GNG7: variants seen among roughly 807,000 people sequenced by gnomAD.
The protein encoded by GNG7 is guanine nucleotide-binding protein G(I)/G(S)/G(O) subunit gamma-7.
Under a neutral mutation model 4.0 loss-of-function variants are expected in GNG7, and 1 was observed. That is an observed-to-expected ratio of 0.25 (90% CI 0.09 to 1.18). GNG7 has a LOEUF of 1.18. Ranked by LOEUF, GNG7 falls within the 50% of genes most tolerant of loss-of-function variation. The probability of loss-of-function intolerance (pLI) is 0.50; values close to 1 mark genes in which losing one functional copy is unlikely to be tolerated. For synonymous variants in GNG7, 34 were observed against 36.9 expected, an observed-to-expected ratio of 0.92 and a Z score of 0.29; for missense variants, 86 against 91.9, an observed-to-expected ratio of 0.94 and a Z score of 0.26.
intron 2 of GNG7, among the ~76,000 whole-genome samples, chr19:2,621,452 C>T (rs1429746336): frequency 1.3e-5 from 2 of 151,888 alleles, no homozygotes; most frequent in Admixed American, 1.3e-4. Flanking sequence ...AATCCCAGCA[C>T]TTTGGGAGGC....
chr19:2,572,311 G>A (rs1980172415), intron 2 of GNG7, among the ~76,000 whole-genome samples: 1 of 152,132 alleles, frequency 6.6e-6, no homozygotes. Flanking sequence ...ATGCCACCAT[G>A]CTTGCTTAAT....
In GNG7 at chr19:2,512,899, G is replaced by A; in HGVS notation, c.*2123C>T. 1.0e-6 allele frequency: 1 copy of A among 985,186 alleles called. No individual in the cohort carries two copies. The highest frequency in any genetic ancestry group is 1.2e-6 in the Non-Finnish European group (1 of 829,696). 61.0% of individuals were successfully genotyped at this position (985,186 alleles called of 1,614,324 possible). A position where few individuals can be genotyped will look rare whatever the true frequency, so the allele number is the denominator to read the frequency against. On this transcript the variant is annotated 3_prime_UTR_variant, in exon 5 of 5. Transcript: ENST00000382159. The surrounding 1 kb of genome is among the most constrained non-coding windows in gnomAD (Gnocchi z 4.7). ...TCCTGCCATTCCTGCTATGCGTGGT[G>A]GGGACGCCCACACCCCAAACCCTGC... is the stretch of plus-strand genomic sequence containing the variant.
chr19:2,568,317 A>G (rs944550108), intron 2 of GNG7, among the ~76,000 whole-genome samples: 3 of 151,810 alleles, frequency 2.0e-5, no homozygotes, highest in African/African-American at 4.9e-5. Context: ...ATACACACGC[A>G]CACACACATA....
chr19:2,561,407 C>G (rs1043701485), intron 2 of GNG7, among the ~76,000 whole-genome samples: 1 of 152,096 alleles, frequency 6.6e-6, no homozygotes, highest in Non-Finnish European at 1.5e-5. Flanking sequence ...TGGGGAGACC[C>G]TGGTTAGGTC....
At chr19:2,608,481 G>C (rs562099762) in intron 2 of GNG7, among the ~76,000 whole-genome samples, 1 of 152,310 alleles carries the variant, frequency 6.6e-6, no homozygotes, top group African/African-American at 2.4e-5. Context: ...AATGACGCAG[G>C]TCAGTAATCC....
intron 2 of GNG7, among the ~76,000 whole-genome samples, chr19:2,622,073 C>A (rs1040223598): frequency 1.4e-5 from 2 of 140,394 alleles, no homozygotes; most frequent in Non-Finnish European, 3.1e-5. Flanking sequence ...CCCTCATCAA[C>A]TTTTTTTTTT....
At chr19:2,682,200 C>T (rs759567206) in intron 1 of GNG7, among the ~76,000 whole-genome samples, 12 of 151,988 alleles carry the variant, frequency 7.9e-5, no homozygotes, top group Admixed American at 2.6e-4. Flanking sequence ...TGAGCCACCG[C>T]GCCCGGCCTG....
At chr19:2,651,231 C>T (rs1982804043) in intron 1 of GNG7, among the ~76,000 whole-genome samples, 1 of 96,276 alleles carries the variant, frequency 1.0e-5, no homozygotes, top group Admixed American at 1.2e-4. Flanking sequence ...CGACTTCCTT[C>T]CTTCCTTCCT....
At chr19:2,530,823 G>A (rs536091366) in intron 3 of GNG7, among the ~76,000 whole-genome samples, 1 of 152,290 alleles carries the variant, frequency 6.6e-6, no homozygotes, top group South Asian at 2.1e-4. Context: ...GGGGAGGATC[G>A]AAAGAGAGCC....
intron 3 of GNG7, among the ~76,000 whole-genome samples, chr19:2,554,291 A>C (rs974139846): frequency 6.7e-6 from 1 of 148,970 alleles, no homozygotes; most frequent in Admixed American, 6.7e-5. Flanking sequence ...GGCTCAAGTG[A>C]TCCTTCTGCC....
chr19:2,641,711 T>A (rs1460433374), intron 2 of GNG7: 1 of 152,164 alleles, frequency 6.6e-6, no homozygotes, highest in East Asian at 1.9e-4. Flanking sequence ...TCGCCCAGGC[T>A]GGAGTGCAGT....
In GNG7 at chr19:2,691,464, A is replaced by G. The variant is rs1190654539; in HGVS notation, c.-135+11182T>C. Among the ~76,000 whole-genome samples the G allele has an allele frequency of 2.6e-5, 4 of 152,130 alleles. No individual in the cohort carries two copies. The East Asian group carries it at 7.7e-4, about 29-fold the overall frequency. The stretch of plus-strand genomic sequence containing the variant: ...GAGGCTGAGGTGGGAGAATCACTTG[A>G]GCCTGGGAGGCGGAGGTTGCAGTGA... On this transcript the variant is annotated intron_variant, in intron 1 of 4. Transcript: ENST00000382159.
At chr19:2,661,670 T>TAAAA (rs57483197) in intron 1 of GNG7, among the ~76,000 whole-genome samples, 3 of 108,638 alleles carry the variant, frequency 2.8e-5, no homozygotes, top group African/African-American at 6.9e-5. Flanking sequence ...GAGACTCCAT[T>TAAAA]AAAAAAAAAA....
chr19:2,694,889 G>T (rs2144913678), intron 1 of GNG7, among the ~76,000 whole-genome samples: 1 of 152,184 alleles, frequency 6.6e-6, no homozygotes, highest in Non-Finnish European at 1.5e-5. Flanking sequence ...CTCAGGACCT[G>T]CAGTGCCCAG....
chr19:2,634,644 G>A lies in GNG7; in HGVS notation c.-78+11580C>T, dbSNP rs960924667. Reference sequence around the variant, plus strand: ...TGGTAGCAATGAGCTGTGACCTTCCGGGAGCAGAGCGTTTTCAGGCTCTGG... The same window carrying A: ...TGGTAGCAATGAGCTGTGACCTTCCAGGAGCAGAGCGTTTTCAGGCTCTGG... On this transcript the variant is annotated intron_variant, in intron 2 of 4. Transcript: ENST00000382159. This position sits in a 1 kb window ranked among gnomAD's most constrained non-coding sequence, Gnocchi z 5.3. Among the ~76,000 whole-genome samples the A allele has an allele frequency of 2.6e-5, 4 of 152,118 alleles. No homozygotes were observed. Among genetic ancestry groups the A allele is most frequent in the African/African-American group, 4.8e-5 (2 of 41,420 alleles).
intron 1 of GNG7, among the ~76,000 whole-genome samples, chr19:2,681,706 C>G (rs112837400): frequency 1.3e-5 from 2 of 152,138 alleles, no homozygotes; most frequent in African/African-American, 4.8e-5. Context: ...TCCAGAGCAG[C>G]TGTACCACAT....
chr19:2,646,631 G>A (rs1184788594), intron 1 of GNG7, among the ~76,000 whole-genome samples: 1 of 151,844 alleles, frequency 6.6e-6, no homozygotes, highest in Non-Finnish European at 1.5e-5. Flanking sequence ...GGTGCAGTGA[G>A]CTGAGATCGA....
chr19:2,584,141 A>C (rs1416384093), intron 2 of GNG7, among the ~76,000 whole-genome samples: 1 of 152,090 alleles, frequency 6.6e-6, no homozygotes, highest in Non-Finnish European at 1.5e-5. Context: ...AACGTATCAG[A>C]AGGACACAGA....
intron 2 of GNG7, among the ~76,000 whole-genome samples, chr19:2,566,587 C>T (rs1183625448): frequency 2.0e-5 from 3 of 152,180 alleles, no homozygotes. Flanking sequence ...CGGGGGACAC[C>T]TCCTTCCCCT....
Sources: gnomAD v4.1 joint callset for allele counts (sites outside exome capture counted in the v4.1 genomes callset) on GRCh38, gnomAD v4.1.1 for gene constraint, Gnocchi (gnomAD v3.1) non-coding constraint, MANE v1.5 for transcripts, NCBI Gene and HGNC (gene_info 2026-07-23, HGNC 2026-07-21) for gene names.